ZNF208: variants seen among roughly 807,000 people sequenced by gnomAD.
The protein encoded by ZNF208 is zinc finger protein 208, also known as zinc finger protein 95.
A neutral mutation model predicts 12.1 loss-of-function variants in ZNF208; 10 were observed. The observed-to-expected ratio is 0.83, with a 90% CI of 0.51 to 1.40. The LOEUF is 1.40. Among genes scored for constraint, ZNF208 ranks in the 40% most tolerant of loss-of-function variants. The pLI is 0.00. For missense variants in ZNF208, 1,652 were observed against 1,485.0 expected, an observed-to-expected ratio of 1.11 and a Z score of -1.85; for synonymous variants, 497 against 488.4, an observed-to-expected ratio of 1.02 and a Z score of -0.23.
chr19:21,983,057 A>G (rs562132390), intron 3 of ZNF208, among the ~76,000 whole-genome samples: 11 of 152,318 alleles, frequency 7.2e-5, no homozygotes, highest in African/African-American at 2.2e-4. Context: ...AAAAGAAACT[A>G]TCATCAGAGT....
At chr19:21,988,641 C>G in intron 2 of ZNF208, 142 bp downstream of exon 2, 1 of 1,508,576 alleles carries the variant, frequency 6.6e-7, no homozygotes, top group Non-Finnish European at 9.0e-7. Context: ...AGCAAGGAGG[C>G]CCCTGACCCC....
chr19:21,999,083 C>G (rs978470296), intron 1 of ZNF208, among the ~76,000 whole-genome samples: 38 of 26,664 alleles, frequency 1.4e-3, no homozygotes, highest in African/African-American at 6.9e-3. Context: ...AATTATATAC[C>G]TATAATTTAT....
intron 4 of ZNF208, among the ~76,000 whole-genome samples, chr19:21,954,148 G>A (rs1969933964): frequency 6.6e-6 from 1 of 152,190 alleles, no homozygotes; most frequent in African/African-American, 2.4e-5. Context: ...GCAGTTTTGA[G>A]TGAGTTTCTT....
chr19:22,001,541 G>A (rs1970946384), intron 1 of ZNF208, among the ~76,000 whole-genome samples: 2 of 151,846 alleles, frequency 1.3e-5, no homozygotes, highest in Admixed American at 1.3e-4. Flanking sequence ...ACCTAACAGA[G>A]ATAAAACAAA....
intron 3 of ZNF208, among the ~76,000 whole-genome samples, chr19:21,981,089 TG>T (rs1292570690): frequency 6.6e-6 from 1 of 151,882 alleles, no homozygotes; most frequent in African/African-American, 2.4e-5. Context: ...CAACCAAAAA[TG>T]TCCAGGACCC....
At chr19:21,956,243 C>T (rs1969974048) in intron 4 of ZNF208, among the ~76,000 whole-genome samples, 1 of 152,172 alleles carries the variant, frequency 6.6e-6, no homozygotes, top group South Asian at 2.1e-4. Flanking sequence ...GTCAGTCGGC[C>T]CCTACTGGGA....
At chr19:22,006,235 A>G (rs1447760021) in intron 1 of ZNF208, among the ~76,000 whole-genome samples, 1 of 151,702 alleles carries the variant, frequency 6.6e-6, no homozygotes, top group Admixed American at 6.6e-5. Context: ...TCATTTAAAC[A>G]TTCCCCTCAC....
intron 4 of ZNF208, chr19:21,941,680 A>T (rs1181052277): frequency 1.2e-5 from 4 of 333,324 alleles, no homozygotes; most frequent in Non-Finnish European, 2.1e-5. Flanking sequence ...AAGTAAGTAT[A>T]TTTTAAACTA....
At chr19:21,939,965 T>C (rs1436579957) in intron 4 of ZNF208, 5 of 152,158 alleles carry the variant, frequency 3.3e-5, no homozygotes, top group Non-Finnish European at 4.4e-5. Context: ...GATTGGATCC[T>C]TGCAAAGCAA....
chr19:21,958,646 A>T (rs1970016122), intron 4 of ZNF208, among the ~76,000 whole-genome samples: 1 of 152,168 alleles, frequency 6.6e-6, no homozygotes, highest in South Asian at 2.1e-4. Flanking sequence ...TTCCCTAAAA[A>T]CTATCAAGCT....
intron 1 of ZNF208, chr19:22,009,490 T>C (rs1159568956): frequency 1.3e-5 from 2 of 152,204 alleles, no homozygotes; most frequent in African/African-American, 4.8e-5. Context: ...TGGCTTACCC[T>C]GTAATCCCAG....
chr19:21,988,029 A>G (rs879317176), intron 2 of ZNF208, among the ~76,000 whole-genome samples: 2 of 152,062 alleles, frequency 1.3e-5, no homozygotes, highest in Admixed American at 1.3e-4. Context: ...CAATAACAGA[A>G]ATTTCTAAAT....
At chr19:21,946,920 G>A (rs778213891) in intron 4 of ZNF208, among the ~76,000 whole-genome samples, 3 of 151,732 alleles carry the variant, frequency 2.0e-5, no homozygotes, top group African/African-American at 7.3e-5. Context: ...GCCAATGAAG[G>A]TGTTGGCACA....
At chr19:21,960,977 T>C (rs1329595457) in intron 4 of ZNF208, among the ~76,000 whole-genome samples, 2 of 152,164 alleles carry the variant, frequency 1.3e-5, no homozygotes, top group African/African-American at 4.8e-5. Context: ...AAATAGTGAT[T>C]CCTGAATCCT....
Position 21,999,573 on chromosome 19 carries a change from T to C in ZNF208, c.4-10664A>G, listed in dbSNP as rs561340401. On this transcript the variant is annotated intron_variant, in intron 1 of 3. Coordinates refer to ENST00000397126, the MANE Select transcript of ZNF208 (RefSeq NM_007153.3). ...TCTTTTAGTCTTTATTATTCTGTATTGCTAAATTTAATCCAATCTTTGTGC... is the reference window on the plus strand; with the variant it reads ...TCTTTTAGTCTTTATTATTCTGTATCGCTAAATTTAATCCAATCTTTGTGC... Among the ~76,000 whole-genome samples the C allele has an allele frequency of 2.0e-5, 3 of 152,304 alleles. No homozygotes were observed. In the South Asian group the frequency reaches 6.2e-4, roughly 32 times the overall value.
intron 4 of ZNF208, among the ~76,000 whole-genome samples, chr19:21,948,889 A>G (rs975446182): frequency 1.4e-4 from 22 of 152,178 alleles, no homozygotes; most frequent in Non-Finnish European, 2.8e-4. Context: ...TCCCAATGAG[A>G]ATAAAAACAA....
rs1047787833 is a variant in ZNF208 at position 21,970,151 on chromosome 19, T to C, written c.*1040A>G. 2.0e-5 allele frequency among the ~76,000 whole-genome samples: 3 copies of C among 152,338 alleles called. No homozygotes were observed. Among genetic ancestry groups the C allele is most frequent in the African/African-American group, 7.2e-5 (3 of 41,588 alleles). On this transcript the variant is annotated 3_prime_UTR_variant, in exon 4 of 4. Coordinates refer to ENST00000397126, the MANE Select transcript of ZNF208 (RefSeq NM_007153.3). ...TTTATATTCAGAAAAGTCTGAGGTG[T>C]TGCCAAAAGCATTGTCACATCTTTC...
Position 21,971,959 on chromosome 19 carries a change from T to C in ZNF208, c.3075A>G (p.Gly1025=), listed in dbSNP as rs746910347. The C allele has an allele frequency of 2.2e-5, 35 of 1,576,434 alleles. No homozygotes were observed. The African/African-American group carries it at 3.3e-4, about 15-fold the overall frequency. ...ATTCTTCACATTTGTAGGGTGTCTC[T>C]CCAGTGTGAATTTTCTTATGTTCCA... ...NLMEHKKIHT[G]ETPYKCEECD... Residue 1025 remains glycine (G), a synonymous_variant, in exon 4 of 4, where the codon GGA becomes GGG. Transcript: ENST00000397126.
rs771837218 is a variant in ZNF208 at position 21,972,933 on chromosome 19, C to G, written c.2101G>C (p.Ala701Pro). The G allele has an allele frequency of 5.5e-5, 88 of 1,612,810 alleles. 3 individuals are homozygous for G. Among genetic ancestry groups the G allele is most frequent in the South Asian group, 4.4e-4 (40 of 90,974 alleles). The change falls in exon 4 of 4, where the codon GCT (alanine) becomes CCT (proline). Residue 701 changes from alanine (A) to proline (P), a missense_variant. By Grantham distance (27) the Ala-to-Pro change is conservative. This residue lies in a region of ZNF208 where 1,239 missense variants were observed against 1,086.2 expected (regional missense o/e 1.14). Transcript: ENST00000397126. ...ATAAGGTTTGAGGACCAGTTGAAAG[C>G]TTTGCCACATTCTTCACATTTGTAG... is the stretch of plus-strand genomic sequence containing the variant. ...KPYKCEECGK[A>P]FNWSSNLMEH...
Sources: allele counts gnomAD v4.1 joint callset (sites outside exome capture counted in the v4.1 genomes callset), GRCh38; gene constraint gnomAD v4.1.1; regional missense constraint gnomAD v4.1.1; transcripts MANE v1.5; gene names NCBI Gene and HGNC (gene_info 2026-07-23, HGNC 2026-07-21).